PCNT: variants seen among roughly 807,000 people sequenced by gnomAD.
PCNT encodes pericentrin.
PCNT carries 319 observed loss-of-function variants against 380.4 expected under a neutral mutation model. The observed-to-expected ratio is 0.84, with a 90% CI of 0.77 to 0.92. The LOEUF (loss-of-function observed/expected upper bound fraction) is 0.92, where lower values mean the gene tolerates loss of function less well. PCNT is among the 40% of genes least tolerant of loss of function. PCNT has a pLI of 0.00. For missense variants in PCNT, 4,400 were observed against 4,255.3 expected, an observed-to-expected ratio of 1.03 and a Z score of -0.95; for synonymous variants, 1,845 against 1,735.2, an observed-to-expected ratio of 1.06 and a Z score of -1.57.
chr21:46,375,357 C>T (rs1255788799), intron 15 of PCNT, among the ~76,000 whole-genome samples: 2 of 152,164 alleles, frequency 1.3e-5, no homozygotes, highest in African/African-American at 2.4e-5. Context: ...GTCCTAAATG[C>T]GTTCTCAATT....
intron 24 of PCNT, 96 bp downstream of exon 24, chr21:46,398,351 C>A: frequency 7.6e-7 from 1 of 1,307,494 alleles, no homozygotes; most frequent in Non-Finnish European, 1.1e-6. Flanking sequence ...GCTTTTCTTG[C>A]TCTTGTTTGG....
Position 46,436,103 on chromosome 21 carries a change from C to T in PCNT, c.8951C>T (p.Ser2984Phe). 6.2e-7 allele frequency: 1 copy of T among 1,611,100 alleles called. No individual in the cohort carries two copies. The highest frequency in any genetic ancestry group is 8.5e-7 in the Non-Finnish European group (1 of 1,179,854). Reference sequence around the variant, plus strand: ...GAGGCGATGAGGCAGCGGCTGCTCTCTGCCGCCCGGCTTCTCACCAGCTTC... The same window carrying T: ...GAGGCGATGAGGCAGCGGCTGCTCTTTGCCGCCCGGCTTCTCACCAGCTTC... ...ELEAMRQRLLSAARLLTSFTS... is the reference protein window; with the variant it reads ...ELEAMRQRLLFAARLLTSFTS... The change falls in exon 39 of 47, where the codon TCT (serine) becomes TTT (phenylalanine). Residue 2984 changes from serine to phenylalanine, a missense_variant. Transcript: ENST00000359568.
chr21:46,338,155 G>A (rs2083810281), intron 3 of PCNT, among the ~76,000 whole-genome samples: 1 of 152,138 alleles, frequency 6.6e-6, no homozygotes, highest in African/African-American at 2.4e-5. Flanking sequence ...TGGGATTACA[G>A]GTGTGAGCCA....
chr21:46,394,053 G>A (rs1309223380), intron 21 of PCNT, among the ~76,000 whole-genome samples: 3 of 152,180 alleles, frequency 2.0e-5, no homozygotes, highest in Non-Finnish European at 4.4e-5. Flanking sequence ...CTTTCCTTTC[G>A]ACATGGTTAA....
chr21:46,347,681 G>A (rs1386727550), intron 6 of PCNT, among the ~76,000 whole-genome samples, 169 bp downstream of exon 6: 1 of 152,316 alleles, frequency 6.6e-6, no homozygotes. Flanking sequence ...TATATCATTT[G>A]TATTTGTCAG....
intron 29 of PCNT, among the ~76,000 whole-genome samples, chr21:46,415,859 A>G (rs1254986911): frequency 6.6e-6 from 1 of 152,290 alleles, no homozygotes; most frequent in Non-Finnish European, 1.5e-5. Flanking sequence ...ATCACCGCAG[A>G]AATAGGTTAT....
intron 13 of PCNT, 132 bp from the exon 14 acceptor site, chr21:46,363,348 G>C: frequency 5.5e-6 from 4 of 725,896 alleles, no homozygotes; most frequent in Non-Finnish European, 2.4e-6. Context: ...AATCATTCCT[G>C]TTGCTGTGTG....
At chr21:46,408,602 G>A (rs1174641308) in intron 27 of PCNT, among the ~76,000 whole-genome samples, 1 of 151,856 alleles carries the variant, frequency 6.6e-6, no homozygotes, top group Non-Finnish European at 1.5e-5. Context: ...TGGTAGATAT[G>A]TAGTGGTATA....
rs953114619 is a variant in PCNT, at chr21:46,399,779, G to A, written c.4774G>A (p.Val1592Met). 2.5e-6 allele frequency: 4 copies of A among 1,613,994 alleles called. No homozygotes were observed. Among genetic ancestry groups the A allele is most frequent in the South Asian group, 2.2e-5 (2 of 91,068 alleles). ...QEEVEKQKNI[V>M]KGLEQDKEVL... ...AGAAGTGGAAAAACAGAAAAACATC[G>A]TGAAAGGGCTGGAACAGGTAAAGCG... Residue 1592 changes from valine (V) to methionine (M), a missense_variant, in exon 25 of 47, where the codon GTG becomes ATG. By Grantham distance (21) the Val-to-Met change is conservative (BLOSUM62 1). Transcript: ENST00000359568.
rs779531620 is a variant in PCNT at position 46,346,728 on chromosome 21, T to A, written c.721-15T>A. Reference sequence around the variant, plus strand: ...TGACCATGGGCCCTTATCAGAGGCCTTTTCTCCGCCGCAGGCCGTGCATGG... The same window carrying A: ...TGACCATGGGCCCTTATCAGAGGCCATTTCTCCGCCGCAGGCCGTGCATGG... On this transcript the variant is annotated splice_polypyrimidine_tract_variant and intron_variant, in intron 4 of 46. Coordinates refer to ENST00000359568, the MANE Select transcript of PCNT (RefSeq NM_006031.6). 4 of 1,590,800 alleles carry A rather than the reference T, an allele frequency of 2.5e-6. No homozygotes were observed. Among genetic ancestry groups the A allele is most frequent in the African/African-American group, 2.7e-5 (2 of 74,730 alleles).
At chr21:46,377,691 T>TA (rs1199259512) in intron 15 of PCNT, among the ~76,000 whole-genome samples, 2 of 151,792 alleles carry the variant, frequency 1.3e-5, no homozygotes, top group Admixed American at 1.3e-4. Context: ...ATACTAAAAA[T>TA]AAAAAAATTA....
chr21:46,416,892 C>T, intron 30 of PCNT, 53 bp downstream of exon 30: 1 of 1,558,790 alleles, frequency 6.4e-7, no homozygotes, highest in South Asian at 1.1e-5. Flanking sequence ...ATGTGGTCTG[C>T]CCGGCGCCAC....
Position 46,430,146 on chromosome 21 carries a change from GAAGTCCGA to G in PCNT, c.7828_7835del (p.Lys2610ProfsTer3). ...CGGAGCAGACTGTAGTGCGAGATTTGAAGTCCGACCTCTGTGAGAGCAGGCAGAAGAGC... is the reference window on the plus strand; with the variant it reads ...CGGAGCAGACTGTAGTGCGAGATTTGCCTCTGTGAGAGCAGGCAGAAGAGC... On this transcript the variant is annotated frameshift_variant, in exon 36 of 47. Transcript: ENST00000359568. LOFTEE classifies it high-confidence loss of function. 1 of 1,614,230 alleles carries G rather than the reference GAAGTCCGA, an allele frequency of 6.2e-7. No homozygotes were observed. Among genetic ancestry groups the G allele is most frequent in the South Asian group, 1.1e-5 (1 of 91,086 alleles).
chr21:46,442,376 C>A, intron 43 of PCNT, 121 bp from the exon 44 acceptor site: 1 of 717,810 alleles, frequency 1.4e-6, no homozygotes. Flanking sequence ...ACCTTGGCGT[C>A]CTGGTCCCCA....
At chr21:46,353,404 G>C in intron 10 of PCNT, 78 bp downstream of exon 10, 1 of 1,187,744 alleles carries the variant, frequency 8.4e-7, no homozygotes, top group Non-Finnish European at 1.3e-6. Flanking sequence ...AGTTTTGTTG[G>C]TGATTTCATG....
In PCNT at chr21:46,435,823, T is replaced by C. The variant is rs900365564; in HGVS notation, c.8752-81T>C. The C allele has an allele frequency of 5.1e-6, 8 of 1,559,158 alleles. No individual in the cohort carries two copies. In the African/African-American group the frequency reaches 8.1e-5, roughly 16 times the overall value. On this transcript the variant is annotated intron_variant, in intron 38 of 46. Transcript: ENST00000359568. ...TCCCAAAGTGCTAGGATTACAGGCA[T>C]GAACCACCGCGCCCGGCCGGCAGTT...
In PCNT at chr21:46,385,939, C is replaced by T. The variant is rs777456521; in HGVS notation, c.3420C>T (p.Leu1140=). Residue 1140 remains leucine (L), a synonymous_variant, in exon 17 of 47, where the codon CTC becomes CTT. Coordinates refer to ENST00000359568, the MANE Select transcript of PCNT (RefSeq NM_006031.6). ...RERENREGAN[L]LSMLKADVNL... ...GGGAGAACCGGGAAGGCGCAAACCTCCTCTCCATGCTCAAGGCCGACGTCA... is the reference window on the plus strand; with the variant it reads ...GGGAGAACCGGGAAGGCGCAAACCTTCTCTCCATGCTCAAGGCCGACGTCA... The T allele has an allele frequency of 1.4e-5, 22 of 1,614,180 alleles. No individual in the cohort carries two copies. Among genetic ancestry groups the T allele is most frequent in the Non-Finnish European group, 1.8e-5 (21 of 1,180,032 alleles).
intron 17 of PCNT, among the ~76,000 whole-genome samples, chr21:46,387,949 G>A (rs1433469233): frequency 2.6e-5 from 4 of 152,168 alleles, no homozygotes; most frequent in South Asian, 2.1e-4. Flanking sequence ...AGTGGCTCAC[G>A]CTTGTAATCC....
Position 46,365,348 on chromosome 21 carries a change from T to A in PCNT, c.2610-1236T>A, listed in dbSNP as rs79258481. 7.7e-4 allele frequency among the ~76,000 whole-genome samples: 56 copies of A among 72,866 alleles called. 4 individuals carry two copies. The highest frequency in any genetic ancestry group is 2.6e-3 in the Admixed American group (15 of 5,824). 47.8% of individuals were successfully genotyped at this position (72,866 alleles called of 152,430 possible). A position where few individuals can be genotyped will look rare whatever the true frequency, so the allele number is the denominator to read the frequency against. On this transcript the variant is annotated intron_variant, in intron 14 of 46. Transcript: ENST00000359568. ...TTCTATTCACTGCCATGGGGTTCTA[T>A]TCACTGCCGTGGGGTTCTGATCACT...
Sources: gnomAD v4.1 joint callset for allele counts (sites outside exome capture counted in the v4.1 genomes callset) on GRCh38, gnomAD v4.1.1 for gene constraint, MANE v1.5 for transcripts, NCBI Gene and HGNC (gene_info 2026-07-23, HGNC 2026-07-21) for gene names.